RUNX1T1: variants seen among roughly 807,000 people sequenced by gnomAD.
The protein encoded by RUNX1T1 is protein CBFA2T1.
A neutral mutation model predicts 62.8 loss-of-function variants in RUNX1T1; 4 were observed. That is an observed-to-expected ratio of 0.06 (90% CI 0.03 to 0.15). RUNX1T1 has a LOEUF of 0.15. Ranked by LOEUF, RUNX1T1 falls within the 10% of genes least tolerant of loss-of-function variation. RUNX1T1 has a pLI of 1.00. For missense variants in RUNX1T1, 508 were observed against 754.3 expected (o/e 0.67, Z 3.82); for synonymous variants, 291 against 286.0 (o/e 1.02, Z -0.18).
intron 6 of RUNX1T1, among the ~76,000 whole-genome samples, chr8:91,987,797 C>G (rs1301607870): frequency 1.3e-5 from 2 of 152,126 alleles, no homozygotes; most frequent in Admixed American, 1.3e-4. Context: ...ACAGAGAAAT[C>G]TGGAAACGTG....
intron 1 of RUNX1T1, among the ~76,000 whole-genome samples, chr8:92,085,798 A>C (rs1836017370): frequency 6.6e-6 from 1 of 152,230 alleles, no homozygotes; most frequent in African/African-American, 2.4e-5. Context: ...TCTTCCAATA[A>C]CTAAAATCTC....
chr8:92,061,139 C>G (rs1236414412), intron 1 of RUNX1T1, among the ~76,000 whole-genome samples: 1 of 152,154 alleles, frequency 6.6e-6, no homozygotes, highest in African/African-American at 2.4e-5. Flanking sequence ...TCTCGTTCAC[C>G]TATTATAATT....
At chr8:92,071,609 G>A (rs1224466716) in intron 2 of RUNX1T1, among the ~76,000 whole-genome samples, 4 of 151,980 alleles carry the variant, frequency 2.6e-5, no homozygotes, top group African/African-American at 9.7e-5. Context: ...TCCACACAAT[G>A]CCTCCCGAAA....
intron 5 of RUNX1T1, among the ~76,000 whole-genome samples, chr8:91,995,924 G>A (rs1818574296): frequency 6.6e-6 from 1 of 152,230 alleles, no homozygotes; most frequent in Non-Finnish European, 1.5e-5. Context: ...TGTATGTTCA[G>A]AAGGGTAACT....
At chr8:91,975,947 G>A (rs1459747965) in exon 9 of RUNX1T1, 1 of 1,613,540 alleles carries the variant, frequency 6.2e-7, no homozygotes, top group Non-Finnish European at 8.5e-7. Context: ...CCAGACGCAG[G>A]CCTGTGAAGG....
intron 3 of RUNX1T1, among the ~76,000 whole-genome samples, chr8:92,013,233 G>T (rs529451667): frequency 6.6e-6 from 1 of 152,318 alleles, no homozygotes; most frequent in African/African-American, 2.4e-5. Context: ...ACTGACAAAA[G>T]TATCTGAAGT....
At chr8:92,056,436 C>T (rs1831047386) in intron 1 of RUNX1T1, among the ~76,000 whole-genome samples, 1 of 152,116 alleles carries the variant, frequency 6.6e-6, no homozygotes, top group Non-Finnish European at 1.5e-5. Context: ...AAATTATTTT[C>T]TTCCATGAGT....
At chr8:92,026,137 G>A (rs1384390956) in intron 1 of RUNX1T1, among the ~76,000 whole-genome samples, 1 of 152,058 alleles carries the variant, frequency 6.6e-6, no homozygotes, top group East Asian at 1.9e-4. Context: ...TACAGGTTAT[G>A]TTTATTTTCT....
intron 4 of RUNX1T1, among the ~76,000 whole-genome samples, chr8:92,008,367 A>C (rs934425683): frequency 1.1e-4 from 15 of 132,606 alleles, no homozygotes; most frequent in Admixed American, 2.5e-4. Context: ...GGTGCCACAT[A>C]TCTCTCTCTC....
At chr8:92,005,397 A>C in intron 4 of RUNX1T1, 100 bp from the exon 6 acceptor site, 2 of 1,032,104 alleles carry the variant, frequency 1.9e-6, no homozygotes, top group Non-Finnish European at 1.4e-6. Context: ...TATGCAATGC[A>C]GCTACATCAA....
At chr8:92,082,113 C>T (rs926667531) in intron 1 of RUNX1T1, among the ~76,000 whole-genome samples, 25 of 152,062 alleles carry the variant, frequency 1.6e-4, no homozygotes, top group Non-Finnish European at 3.1e-4. Context: ...TCTCGATCTC[C>T]TGACCTCGTG....
intron 2 of RUNX1T1, among the ~76,000 whole-genome samples, chr8:92,015,458 A>T (rs988485634): frequency 3.3e-5 from 5 of 152,232 alleles, no homozygotes; most frequent in African/African-American, 1.2e-4. Flanking sequence ...CAAGAAATCA[A>T]AAAGGGACAC....
rs770072622 is a variant in RUNX1T1, at chr8:92,095,402, G to A, written c.-86+4178C>T. The A allele has an allele frequency of 2.0e-6, 3 of 1,535,540 alleles. No individual in the cohort carries two copies. In the South Asian group the frequency reaches 3.6e-5, roughly 18 times the overall value. On this transcript the variant is annotated intron_variant, in intron 1 of 11. Coordinates refer to the RUNX1T1 transcript ENST00000265814. The stretch of plus-strand genomic sequence containing the variant: ...GCGGCCGAGGCGGCACCCAGACCGC[G>A]GCTTTGTATTCATTAAACACACATT...
intron 7 of RUNX1T1, 129 bp downstream of exon 8, chr8:91,986,758 A>AT (rs763709185): frequency 9.2e-4 from 608 of 659,486 alleles, no homozygotes; most frequent in South Asian, 1.3e-3. Flanking sequence ...ATTCTCGCTC[A>AT]TTTTTTTTTC....
intron 1 of RUNX1T1, among the ~76,000 whole-genome samples, chr8:92,058,895 G>A (rs944604411): frequency 2.0e-5 from 3 of 152,146 alleles, no homozygotes; most frequent in Non-Finnish European, 4.4e-5. Context: ...AGCTTAAGAT[G>A]TCATAACCAT....
At chr8:92,030,660 C>A (rs1383185861) in intron 1 of RUNX1T1, among the ~76,000 whole-genome samples, 1 of 152,148 alleles carries the variant, frequency 6.6e-6, no homozygotes, top group Non-Finnish European at 1.5e-5. Flanking sequence ...TGTGGTTAAC[C>A]CAAAACATAC....
At chr8:92,069,148 T>C (rs146407364) in intron 2 of RUNX1T1, among the ~76,000 whole-genome samples, 1 of 152,132 alleles carries the variant, frequency 6.6e-6, no homozygotes, top group Non-Finnish European at 1.5e-5. Flanking sequence ...TTTATTTTTC[T>C]GTATTTCCCA....
chr8:92,062,748 T>C (rs755004130), exon 1 of RUNX1T1: 24 of 1,559,006 alleles, frequency 1.5e-5, no homozygotes, highest in East Asian at 4.7e-5. Flanking sequence ...ACACTCCGGA[T>C]TGCACTTGGA....
At chr8:91,996,496 C>T (rs184811813) in intron 5 of RUNX1T1, among the ~76,000 whole-genome samples, 6 of 152,152 alleles carry the variant, frequency 3.9e-5, no homozygotes, top group Non-Finnish European at 8.8e-5. Context: ...CCACAGCGCC[C>T]GGCTTATTTG....
Sources: gnomAD v4.1 joint callset for allele counts (sites outside exome capture counted in the v4.1 genomes callset) on GRCh38, gnomAD v4.1.1 for gene constraint, MANE v1.5 for transcripts, NCBI Gene and HGNC (gene_info 2026-07-23, HGNC 2026-07-21) for gene names.